The following GBE1 variants were observed in gnomAD, a reference collection of about 807,000 sequenced individuals.
The protein encoded by GBE1 is 1,4-alpha-glucan branching enzyme 1, also known as 1,4-alpha-glucan-branching enzyme.
In GBE1, 70 loss-of-function variants were observed where a neutral mutation model predicts 88.8. The ratio of observed to expected loss-of-function variants is 0.79; its 90% CI spans 0.65 to 0.96. The LOEUF (loss-of-function observed/expected upper bound fraction) is 0.96, where lower values mean the gene tolerates loss of function less well. Ranked by LOEUF, GBE1 falls within the 40% of genes least tolerant of loss-of-function variation. The pLI is 0.00. For synonymous variants in GBE1, 284 were observed against 300.1 expected (o/e 0.95, Z 0.56); for missense variants, 872 against 871.0 (o/e 1.00, Z -0.01).
rs202158511 is a variant in GBE1, at chr3:81,499,127, G to A, written c.2035C>T (p.Arg679Cys). Residue 679 changes from arginine to cysteine, a missense_variant, in exon 15 of 16, where the codon CGT becomes TGT. By Grantham distance (180) the Arg-to-Cys change is radical (BLOSUM62 -3). Transcript: ENST00000429644. The stretch of plus-strand genomic sequence containing the variant: ...TTACTTACCAAAAGAGAATAGGGAC[G>A]CCCATTATGTTCAAAAGCCTCAGAA... ...FFSEAFEHNG[R>C]PYSLLVYIPS... 3.7e-4 allele frequency: 589 copies of A among 1,590,050 alleles called. 9 individuals are homozygous for A. In the South Asian group the frequency reaches 3.9e-3, roughly 11 times the overall value.
In GBE1 at chr3:81,752,757, A is replaced by G. The variant is rs577320852; in HGVS notation, c.143+8618T>C. 2.0e-5 allele frequency among the ~76,000 whole-genome samples: 3 copies of G among 152,324 alleles called. No homozygotes were observed. In the East Asian group the frequency reaches 5.8e-4, roughly 29 times the overall value. ...ACAATCACTCCTACTAACAAAAAAA[A>G]AGAAGGAACCCCCTAAAGTAAGGCA... On this transcript the variant is annotated intron_variant, in intron 1 of 15. Coordinates refer to ENST00000429644, the MANE Select transcript of GBE1 (RefSeq NM_000158.4).
At chr3:81,625,729 C>G (rs1220708958) in intron 7 of GBE1, among the ~76,000 whole-genome samples, 1 of 152,146 alleles carries the variant, frequency 6.6e-6, no homozygotes, top group Non-Finnish European at 1.5e-5. Flanking sequence ...GGACAGTCAC[C>G]ATGCCTAGCC....
intron 7 of GBE1, among the ~76,000 whole-genome samples, chr3:81,606,847 TTA>T (rs1208096004): frequency 1.3e-5 from 2 of 152,180 alleles, no homozygotes; most frequent in Non-Finnish European, 2.9e-5. Context: ...TTACTTTAAG[TTA>T]TGTGCTATTA....
intron 12 of GBE1, among the ~76,000 whole-genome samples, chr3:81,540,213 G>A (rs1373870822): frequency 6.6e-6 from 1 of 151,962 alleles, no homozygotes; most frequent in Non-Finnish European, 1.5e-5. Context: ...GTAAAGCTAT[G>A]CTTTTCAATC....
At chr3:81,546,287 G>A (rs1412518325) in intron 12 of GBE1, among the ~76,000 whole-genome samples, 3 of 151,522 alleles carry the variant, frequency 2.0e-5, no homozygotes, top group Non-Finnish European at 4.4e-5. Context: ...ACACACACCT[G>A]TACACACTCA....
intron 7 of GBE1, among the ~76,000 whole-genome samples, chr3:81,640,734 T>C (rs554398223): frequency 1.3e-4 from 20 of 152,004 alleles, no homozygotes; most frequent in South Asian, 2.1e-4. Flanking sequence ...AATTTAGATA[T>C]TGGTCAAACA....
intron 3 of GBE1, among the ~76,000 whole-genome samples, chr3:81,660,842 A>C (rs1334119101): frequency 1.3e-5 from 2 of 152,232 alleles, no homozygotes; most frequent in African/African-American, 4.8e-5. Flanking sequence ...AAATGTTTAA[A>C]TCATGAATGA....
intron 2 of GBE1, among the ~76,000 whole-genome samples, chr3:81,675,635 G>C (rs1299013034): frequency 6.6e-6 from 1 of 151,930 alleles, no homozygotes; most frequent in Non-Finnish European, 1.5e-5. Flanking sequence ...ATAGAAAAGT[G>C]ATATTAAACC....
chr3:81,665,217 A>C (rs951022469), intron 3 of GBE1, among the ~76,000 whole-genome samples: 18 of 152,138 alleles, frequency 1.2e-4, no homozygotes, highest in Non-Finnish European at 2.9e-5. Flanking sequence ...AAACAAATGA[A>C]AATTACTAGA....
chr3:81,504,346 T>A (rs368241288), intron 14 of GBE1, among the ~76,000 whole-genome samples: 1 of 152,206 alleles, frequency 6.6e-6, no homozygotes, highest in Non-Finnish European at 1.5e-5. Context: ...AAAAGTAATG[T>A]TGAGGTCTGA....
chr3:81,568,434 GT>G (rs1703526853), intron 12 of GBE1, among the ~76,000 whole-genome samples: 1 of 151,828 alleles, frequency 6.6e-6, no homozygotes, highest in Admixed American at 6.6e-5. Context: ...TTTTAACAAT[GT>G]TTTTGTTTTC....
At chr3:81,669,761 A>G (rs1176505033) in intron 3 of GBE1, among the ~76,000 whole-genome samples, 1 of 152,148 alleles carries the variant, frequency 6.6e-6, no homozygotes, top group East Asian at 1.9e-4. Flanking sequence ...TTCACTATAG[A>G]TTAAAAGGAA....
intron 1 of GBE1, among the ~76,000 whole-genome samples, chr3:81,748,960 C>T (rs931240195): frequency 9.9e-5 from 14 of 141,756 alleles, no homozygotes; most frequent in Non-Finnish European, 1.1e-4. Context: ...TGAGCCAAGA[C>T]GGTACCACTG....
chr3:81,653,441 A>AT (rs1704879749), intron 3 of GBE1, among the ~76,000 whole-genome samples: 1 of 152,136 alleles, frequency 6.6e-6, no homozygotes, highest in African/African-American at 2.4e-5. Flanking sequence ...AGCTATGATC[A>AT]TGACACTGCA....
At chr3:81,618,762 T>A (rs1704284550) in intron 7 of GBE1, among the ~76,000 whole-genome samples, 1 of 152,090 alleles carries the variant, frequency 6.6e-6, no homozygotes, top group Non-Finnish European at 1.5e-5. Context: ...ACATGTAGAG[T>A]AAATCCTTGA....
At chr3:81,656,849 A>G (rs999401085) in intron 3 of GBE1, among the ~76,000 whole-genome samples, 1 of 152,074 alleles carries the variant, frequency 6.6e-6, no homozygotes, top group Non-Finnish European at 1.5e-5. Flanking sequence ...GACTTGAGAG[A>G]AGGGACTTTA....
intron 2 of GBE1, among the ~76,000 whole-genome samples, chr3:81,683,718 C>T (rs1263581099): frequency 6.6e-6 from 1 of 152,116 alleles, no homozygotes; most frequent in Non-Finnish European, 1.5e-5. Flanking sequence ...TCACATGGCT[C>T]CTAAATGTTT....
intron 2 of GBE1, among the ~76,000 whole-genome samples, chr3:81,702,568 G>A (rs375142485): frequency 6.6e-6 from 1 of 152,012 alleles, no homozygotes; most frequent in African/African-American, 2.4e-5. Context: ...AAGGCCCACC[G>A]ATTACATCTG....
chr3:81,593,370 C>CAATAATAATAATAATAATAATAAT (rs6147919), intron 8 of GBE1, among the ~76,000 whole-genome samples: 15 of 144,094 alleles, frequency 1.0e-4, no homozygotes, highest in East Asian at 4.0e-4. Context: ...GTCTCAAGAA[C>CAATAATAATAATAATAATAATAAT]AATAATAATA....
Sources: gnomAD v4.1 joint callset for allele counts (sites outside exome capture counted in the v4.1 genomes callset) on GRCh38, gnomAD v4.1.1 for gene constraint, MANE v1.5 for transcripts, NCBI Gene and HGNC (gene_info 2026-07-23, HGNC 2026-07-21) for gene names.